CNOT10: variants seen among roughly 807,000 people sequenced by gnomAD.
The protein encoded by CNOT10 is CCR4-NOT transcription complex, subunit 10.
CNOT10 carries 30 observed loss-of-function variants against 94.6 expected under a neutral mutation model. The ratio of observed to expected loss-of-function variants is 0.32; its 90% CI spans 0.24 to 0.43. The LOEUF (loss-of-function observed/expected upper bound fraction) is 0.43. Among genes scored for constraint, CNOT10 ranks in the 20% least tolerant of loss-of-function variants. CNOT10 has a pLI of 1.00. For synonymous variants in CNOT10, 289 were observed against 301.6 expected, an observed-to-expected ratio of 0.96 and a Z score of 0.43; for missense variants, 759 against 877.2, an observed-to-expected ratio of 0.87 and a Z score of 1.70.
intron 8 of CNOT10, among the ~76,000 whole-genome samples, chr3:32,724,058 C>T (rs565936741): frequency 8.6e-5 from 13 of 151,866 alleles, no homozygotes; most frequent in East Asian, 5.8e-4. Flanking sequence ...GTAGGCTGGG[C>T]GATGGAATGA....
chr3:32,726,383 A>G (rs1208878045), intron 9 of CNOT10, among the ~76,000 whole-genome samples: 1 of 152,160 alleles, frequency 6.6e-6, no homozygotes, highest in African/African-American at 2.4e-5. Context: ...TCAAACAATT[A>G]TTTAGCTTTT....
chr3:32,772,989 C>G (rs1040322420), intron 18 of CNOT10, among the ~76,000 whole-genome samples: 6 of 152,282 alleles, frequency 3.9e-5, no homozygotes, highest in Non-Finnish European at 7.4e-5. Flanking sequence ...CCTCAGCCCC[C>G]CAAGTAGCTG....
At chr3:32,763,004 C>A in intron 15 of CNOT10, 141 bp downstream of exon 15, 1 of 795,914 alleles carries the variant, frequency 1.3e-6, no homozygotes, top group Non-Finnish European at 1.8e-6. Flanking sequence ...TCTGTACTTA[C>A]TTTGTAGCAG....
chr3:32,752,371 CT>C (rs1553637386), intron 13 of CNOT10, among the ~76,000 whole-genome samples: 2 of 152,118 alleles, frequency 1.3e-5, no homozygotes, highest in Non-Finnish European at 2.9e-5. Context: ...CATTTAACCC[CT>C]GTGGGCTGCC....
chr3:32,699,107 C>T (rs1697215373), intron 1 of CNOT10, among the ~76,000 whole-genome samples: 1 of 152,148 alleles, frequency 6.6e-6, no homozygotes, highest in South Asian at 2.1e-4. Flanking sequence ...CTTTGAGATG[C>T]TCCTGTTGTC....
At chr3:32,720,826 T>TCCCC (rs1698342283) in intron 8 of CNOT10, among the ~76,000 whole-genome samples, 1 of 109,002 alleles carries the variant, frequency 9.2e-6, no homozygotes, top group Admixed American at 1.0e-4. Context: ...TTGCCTGCCC[T>TCCCC]CCCTCCCTCC....
intron 18 of CNOT10, among the ~76,000 whole-genome samples, chr3:32,770,577 G>A (rs998994946): frequency 2.0e-5 from 3 of 151,862 alleles, no homozygotes; most frequent in South Asian, 2.1e-4. Context: ...TGCCCACCTC[G>A]GCCTCCCAAA....
chr3:32,723,881 G>A (rs1307165720), intron 8 of CNOT10, among the ~76,000 whole-genome samples: 4 of 152,058 alleles, frequency 2.6e-5, no homozygotes, highest in Non-Finnish European at 4.4e-5. Flanking sequence ...AGGAGTTTGC[G>A]ACCAGCCTGA....
At chr3:32,743,104 G>T (rs1199486498) in intron 13 of CNOT10, among the ~76,000 whole-genome samples, 1 of 150,814 alleles carries the variant, frequency 6.6e-6, no homozygotes, top group East Asian at 2.0e-4. Context: ...TCCTGCCTCA[G>T]CCTCCCAAGT....
At chr3:32,735,174 T>A (rs1310549892) in intron 12 of CNOT10, among the ~76,000 whole-genome samples, 198 bp downstream of exon 12, 1 of 152,122 alleles carries the variant, frequency 6.6e-6, no homozygotes, top group African/African-American at 2.4e-5. Flanking sequence ...TTAGGAGAGA[T>A]CCTTGAAAAA....
intron 9 of CNOT10, among the ~76,000 whole-genome samples, chr3:32,726,738 T>C (rs1423922302): frequency 6.7e-6 from 1 of 149,484 alleles, no homozygotes; most frequent in Admixed American, 6.7e-5. Context: ...ATAACCTATT[T>C]AATTGATGGC....
At chr3:32,764,527 C>T (rs372219519) in intron 16 of CNOT10, 37 bp downstream of exon 16, 2 of 1,607,700 alleles carry the variant, frequency 1.2e-6, no homozygotes, top group South Asian at 1.1e-5. Flanking sequence ...AGTAGCCTGG[C>T]CTGCATCCCA....
At chr3:32,759,819 T>G (rs1195487589) in intron 14 of CNOT10, among the ~76,000 whole-genome samples, 2 of 152,156 alleles carry the variant, frequency 1.3e-5, no homozygotes, top group African/African-American at 2.4e-5. Context: ...TGCAGCACTT[T>G]AATTCTCCAA....
chr3:32,771,091 C>A (rs753198780), intron 18 of CNOT10, among the ~76,000 whole-genome samples: 3 of 152,024 alleles, frequency 2.0e-5, no homozygotes, highest in Non-Finnish European at 2.9e-5. Flanking sequence ...CTTTGGGAGG[C>A]TGAGGTGGGC....
intron 4 of CNOT10, among the ~76,000 whole-genome samples, chr3:32,709,597 G>A (rs1697778735): frequency 6.6e-6 from 1 of 152,140 alleles, no homozygotes; most frequent in Non-Finnish European, 1.5e-5. Flanking sequence ...TGGTTGAACA[G>A]CTGATTACTA....
intron 1 of CNOT10, among the ~76,000 whole-genome samples, chr3:32,696,940 A>G (rs1575205597): frequency 7.1e-6 from 1 of 140,812 alleles, no homozygotes; most frequent in Non-Finnish European, 1.5e-5. Context: ...GGAGACTTAC[A>G]TTTTCTTTTT....
rs546336180 is a variant in CNOT10 at position 32,693,174 on chromosome 3, G to A, written c.22+7692G>A. 4.6e-5 allele frequency among the ~76,000 whole-genome samples: 7 copies of A among 152,288 alleles called. No individual in the cohort carries two copies. In the South Asian group the frequency reaches 1.5e-3, roughly 32 times the overall value. On this transcript the variant is annotated intron_variant, in intron 1 of 18. Transcript: ENST00000328834. The stretch of plus-strand genomic sequence containing the variant: ...TTCAGAACAAGGAGTTGATGTGGTA[G>A]TGACCTATGTTTGATATTTAAAGTG...
intron 8 of CNOT10, among the ~76,000 whole-genome samples, chr3:32,723,116 G>A (rs1183527711): frequency 4.6e-5 from 7 of 151,946 alleles, no homozygotes; most frequent in African/African-American, 9.7e-5. Flanking sequence ...ATTAAAGGCC[G>A]GGCACGGTGG....
At chr3:32,726,836 ATTTT>A (rs56273006) in intron 9 of CNOT10, among the ~76,000 whole-genome samples, 3 of 81,270 alleles carry the variant, frequency 3.7e-5, no homozygotes, top group Non-Finnish European at 4.7e-5. Flanking sequence ...ACCAAGATGA[ATTTT>A]TTTTTTTTTT....
Sources: gnomAD v4.1 joint callset for allele counts (sites outside exome capture counted in the v4.1 genomes callset) on GRCh38, gnomAD v4.1.1 for gene constraint, MANE v1.5 for transcripts, NCBI Gene and HGNC (gene_info 2026-07-23, HGNC 2026-07-21) for gene names.